EXOG: variants seen among roughly 807,000 people sequenced by gnomAD.
The protein encoded by EXOG is exo/endonuclease G.
A neutral mutation model predicts 25.8 loss-of-function variants in EXOG; 27 were observed. The ratio of observed to expected loss-of-function variants is 1.05; its 90% CI spans 0.77 to 1.45. The LOEUF is 1.45. EXOG is among the 40% of genes most tolerant of loss of function. The probability of loss-of-function intolerance (pLI) is 0.00; values close to 1 mark genes in which losing one functional copy is unlikely to be tolerated. For synonymous variants in EXOG, 133 were observed against 167.0 expected (o/e 0.80, Z 1.57); for missense variants, 458 against 450.5 (o/e 1.02, Z -0.15).
chr3:38,505,690 C>T (rs1057159070), intron 4 of EXOG: 1 of 152,146 alleles, frequency 6.6e-6, no homozygotes, highest in Non-Finnish European at 1.5e-5. Flanking sequence ...TGCAGTGGCT[C>T]ATGCCTGTAA....
chr3:38,509,339 G>A (rs1432269032), intron 5 of EXOG, among the ~76,000 whole-genome samples: 2 of 152,146 alleles, frequency 1.3e-5, no homozygotes, highest in African/African-American at 4.8e-5. Flanking sequence ...ATAATTACAA[G>A]CATTTCACTA....
At chr3:38,507,958 C>A (rs1324661749) in intron 5 of EXOG, among the ~76,000 whole-genome samples, 2 of 152,136 alleles carry the variant, frequency 1.3e-5, no homozygotes, top group African/African-American at 4.8e-5. Flanking sequence ...TGGTGAAACC[C>A]CGTCTCTGCT....
At position 38,501,278 on chromosome 3, in the gene EXOG, C is replaced by G; in HGVS notation, c.314-77C>G. Reference sequence around the variant, plus strand: ...TTGGAGAGACACCAGCCAGTAGCAACCAGCTTGCCTTGCTTAGAGAATCTT... The same window carrying G: ...TTGGAGAGACACCAGCCAGTAGCAAGCAGCTTGCCTTGCTTAGAGAATCTT... On this transcript the variant is annotated intron_variant, in intron 2 of 5. Transcript: ENST00000287675. The G allele has an allele frequency of 5.4e-6, 7 of 1,290,068 alleles. No homozygotes were observed. In the South Asian group the frequency reaches 8.7e-5, roughly 16 times the overall value. 79.9% of individuals were successfully genotyped at this position (1,290,068 alleles called of 1,614,324 possible). A position where few individuals can be genotyped will look rare whatever the true frequency, so the allele number is the denominator to read the frequency against.
chr3:38,497,526 C>T (rs1324523617), intron 1 of EXOG, 103 bp from the exon 2 acceptor site: 19 of 1,417,374 alleles, frequency 1.3e-5, no homozygotes, highest in Non-Finnish European at 1.7e-5. Context: ...TAAATCACAC[C>T]GCTCTCCTTT....
intron 5 of EXOG, chr3:38,513,808 A>G (rs2060446589): frequency 6.6e-6 from 1 of 152,190 alleles, no homozygotes; most frequent in African/African-American, 2.4e-5. Flanking sequence ...CTGATACAGC[A>G]TTAAACAAGG....
intron 5 of EXOG, chr3:38,513,935 C>A (rs1427451872): frequency 6.6e-6 from 1 of 152,174 alleles, no homozygotes; most frequent in Non-Finnish European, 1.5e-5. Flanking sequence ...GAAAGAAAGA[C>A]AAGGGGAAGT....
chr3:38,524,707 T>C lies in EXOG; in HGVS notation c.*345T>C. ...AAAGATGAAAGATCTACAATGTTTT[T>C]GTCAGTATTATATTTGACTCAGGAA... On this transcript the variant is annotated 3_prime_UTR_variant, in exon 6 of 6. Coordinates refer to ENST00000287675, the MANE Select transcript of EXOG (RefSeq NM_005107.4). 2.0e-6 allele frequency: 2 copies of C among 1,013,616 alleles called. No homozygotes were observed. The highest frequency in any genetic ancestry group is 2.4e-6 in the Non-Finnish European group (2 of 848,356). The allele number at this position is 1,013,616 out of a possible 1,614,324, so 62.8% of individuals were successfully genotyped here.
chr3:38,520,598 C>T (rs1277359883), intron 5 of EXOG, among the ~76,000 whole-genome samples: 2 of 152,170 alleles, frequency 1.3e-5, no homozygotes, highest in Non-Finnish European at 2.9e-5. Context: ...CTTGATTATA[C>T]GTTTCCCCCG....
Position 38,506,914 on chromosome 3 carries a change from G to C in EXOG, c.591G>C (p.Gly197=), listed in dbSNP as rs374475773. The change falls in exon 5 of 6, where the codon GGG becomes GGC. Residue 197 remains glycine, a synonymous_variant. Transcript: ENST00000287675. ...TTGAAGATGTTTGGGTGGTATCTGG[G>C]CCTTTGACCTTACCTCAGACTAGAG... ...ERFEDVWVVS[G]PLTLPQTRGD... 15 of 1,606,366 alleles carry C rather than the reference G, an allele frequency of 9.3e-6. No homozygotes were observed. The highest frequency in any genetic ancestry group is 1.3e-5 in the Non-Finnish European group (15 of 1,173,172).
In EXOG at chr3:38,513,516, A is replaced by G. The variant is rs573543693; in HGVS notation, c.645+6548A>G. Among the ~76,000 whole-genome samples, 5 of 152,380 alleles carry G rather than the reference A, an allele frequency of 3.3e-5. No homozygotes were observed. In the South Asian group the frequency reaches 1.0e-3, roughly 32 times the overall value. Reference sequence around the variant, plus strand: ...CAAACAACGGAAAAACAGAAGTGGAAGGTAAGGGTGGCAGTGTATTATAAT... The same window carrying G: ...CAAACAACGGAAAAACAGAAGTGGAGGGTAAGGGTGGCAGTGTATTATAAT... On this transcript the variant is annotated intron_variant, in intron 5 of 5. Transcript: ENST00000287675.
At chr3:38,511,509 A>T (rs1028835458) in intron 5 of EXOG, among the ~76,000 whole-genome samples, 3 of 152,208 alleles carry the variant, frequency 2.0e-5, no homozygotes, top group African/African-American at 7.2e-5. Context: ...GATAAAGTGA[A>T]ATTTGGACCA....
chr3:38,521,177 G>T (rs1416958735), intron 5 of EXOG, among the ~76,000 whole-genome samples: 1 of 152,182 alleles, frequency 6.6e-6, no homozygotes, highest in African/African-American at 2.4e-5. Flanking sequence ...AGATTAGTGA[G>T]TGGCTAAGTT....
At chr3:38,512,897 C>T (rs1182345294) in intron 5 of EXOG, among the ~76,000 whole-genome samples, 3 of 152,050 alleles carry the variant, frequency 2.0e-5, no homozygotes, top group East Asian at 1.9e-4. Flanking sequence ...TCTGGGCTTT[C>T]GAGATCTTCC....
In EXOG at chr3:38,525,889, G is replaced by T; in HGVS notation, c.*1527G>T. ...AGCCTGGCAGGTCAAGGCTGCGATGGGACATGGTCATGCCACTGGACGCCA... is the reference window on the plus strand; with the variant it reads ...AGCCTGGCAGGTCAAGGCTGCGATGTGACATGGTCATGCCACTGGACGCCA... On this transcript the variant is annotated 3_prime_UTR_variant, in exon 6 of 6. Transcript: ENST00000287675. 1.3e-6 allele frequency: 1 copy of T among 745,486 alleles called. No homozygotes were observed. The highest frequency in any genetic ancestry group is 1.6e-6 in the Non-Finnish European group (1 of 610,990). The allele number at this position is 745,486 out of a possible 1,614,324, so 46.2% of individuals were successfully genotyped here.
intron 3 of EXOG, among the ~76,000 whole-genome samples, chr3:38,502,841 T>C (rs1223991832): frequency 1.3e-5 from 2 of 152,174 alleles, no homozygotes; most frequent in African/African-American, 4.8e-5. Flanking sequence ...GTGTCTTTCA[T>C]GATATTGACA....
chr3:38,516,551 T>A (rs1435929937), intron 5 of EXOG, among the ~76,000 whole-genome samples: 1 of 152,240 alleles, frequency 6.6e-6, no homozygotes, highest in African/African-American at 2.4e-5. Flanking sequence ...TGCAGATATC[T>A]TGTTCCTTTC....
intron 1 of EXOG, chr3:38,496,925 A>G: frequency 8.6e-7 from 1 of 1,167,718 alleles, no homozygotes; most frequent in Non-Finnish European, 1.1e-6. Context: ...CATAATTGGC[A>G]TTCAGTAAGT....
chr3:38,498,322 G>A (rs759832493), intron 2 of EXOG, among the ~76,000 whole-genome samples: 4 of 152,184 alleles, frequency 2.6e-5, no homozygotes, highest in African/African-American at 4.8e-5. Flanking sequence ...CCAGTACTTT[G>A]GGAGGCTGAG....
At chr3:38,509,191 C>T (rs1041837733) in intron 5 of EXOG, among the ~76,000 whole-genome samples, 4 of 152,094 alleles carry the variant, frequency 2.6e-5, no homozygotes, top group African/African-American at 9.7e-5. Flanking sequence ...GCTCTTCTAG[C>T]TTTGACTTGT....
Sources: gnomAD v4.1 joint callset for allele counts (sites outside exome capture counted in the v4.1 genomes callset) on GRCh38, gnomAD v4.1.1 for gene constraint, MANE v1.5 for transcripts, NCBI Gene and HGNC (gene_info 2026-07-23, HGNC 2026-07-21) for gene names.